The following DST variants were observed in gnomAD, a reference collection of about 807,000 sequenced individuals.
The protein encoded by DST is bullous pemphigoid antigen.
Under a neutral mutation model 875.2 loss-of-function variants are expected in DST, and 253 were observed. The ratio of observed to expected loss-of-function variants is 0.29; its 90% CI spans 0.26 to 0.32. The LOEUF is 0.32. Among genes scored for constraint, DST ranks in the 10% least tolerant of loss-of-function variants. DST has a pLI of 1.00. For missense variants in DST, 8,287 were observed against 9,111.6 expected, an observed-to-expected ratio of 0.91 and a Z score of 3.68; for synonymous variants, 3,124 against 3,197.1, an observed-to-expected ratio of 0.98 and a Z score of 0.77.
intron 4 of DST, among the ~76,000 whole-genome samples, chr6:56,846,190 T>C (rs1352467208): frequency 6.6e-6 from 1 of 152,220 alleles, no homozygotes; most frequent in Non-Finnish European, 1.5e-5. Flanking sequence ...AGCTATCATT[T>C]ATAAAGCATT....
At chr6:56,516,685 T>G (rs2096601728) in intron 71 of DST, among the ~76,000 whole-genome samples, 1 of 152,180 alleles carries the variant, frequency 6.6e-6, no homozygotes, top group African/African-American at 2.4e-5. Context: ...TGGCTGGTTT[T>G]CTGCCAAATT....
chr6:56,701,915 A>T lies in DST; in HGVS notation c.927T>A (p.Ile309=). The stretch of plus-strand genomic sequence containing the variant: ...GGCGTCTTTTCAAATAGTCAAGTGC[A>T]ATTTGTACATTCTGTAGTCTGTGAA... ...MRFHRLQNVQ[I]ALDYLKRRQV... The change falls in exon 8 of 104, where the codon ATT becomes ATA. Residue 309 remains isoleucine, a synonymous_variant. Coordinates refer to ENST00000680361, the MANE Select transcript of DST (RefSeq NM_001374736.1). 3.1e-6 allele frequency: 5 copies of T among 1,611,440 alleles called. No homozygotes were observed. The South Asian group carries it at 3.3e-5, about 11-fold the overall frequency.
intron 2 of DST, among the ~76,000 whole-genome samples, chr6:56,942,710 T>C (rs1389770775): frequency 2.3e-5 from 3 of 128,734 alleles, no homozygotes; most frequent in African/African-American, 8.6e-5. Flanking sequence ...ATTTCTCTTT[T>C]TTTTTTTTTT....
chr6:56,910,088 G>T (rs1266791756), intron 2 of DST, among the ~76,000 whole-genome samples: 1 of 152,180 alleles, frequency 6.6e-6, no homozygotes, highest in Non-Finnish European at 1.5e-5. Context: ...TCATTGTTTG[G>T]TATAGAACAT....
Position 56,536,959 on chromosome 6 carries a change from T to G in DST, c.16609-19A>C. ...GGAATACCTGCAGTTAAAAGAGTAATAATTATATGAGTTATATTACCTATC... is the reference window on the plus strand; with the variant it reads ...GGAATACCTGCAGTTAAAAGAGTAAGAATTATATGAGTTATATTACCTATC... On this transcript the variant is annotated intron_variant, in intron 61 of 103. Coordinates refer to ENST00000680361, the MANE Select transcript of DST (RefSeq NM_001374736.1). 6.2e-7 allele frequency: 1 copy of G among 1,610,546 alleles called. No individual in the cohort carries two copies. The highest frequency in any genetic ancestry group is 8.5e-7 in the Non-Finnish European group (1 of 1,177,334).
intron 90 of DST, among the ~76,000 whole-genome samples, chr6:56,481,292 AT>A (rs2095392485): frequency 6.6e-6 from 1 of 152,256 alleles, no homozygotes; most frequent in Admixed American, 6.5e-5. Flanking sequence ...AAATGCTGAC[AT>A]CAACACTACA....
intron 9 of DST, among the ~76,000 whole-genome samples, chr6:56,681,854 G>GTC (rs1327835011): frequency 5.9e-5 from 9 of 152,258 alleles, no homozygotes; most frequent in Admixed American, 3.3e-4. Flanking sequence ...ATATTTCAAG[G>GTC]TCCCACTGGG....
chr6:56,747,818 A>G (rs1373038293), intron 4 of DST, among the ~76,000 whole-genome samples: 2 of 152,214 alleles, frequency 1.3e-5, no homozygotes, highest in Non-Finnish European at 2.9e-5. Flanking sequence ...TATATTATGA[A>G]GACCTTAAGT....
At chr6:56,852,427 G>A (rs1311790309) in intron 3 of DST, among the ~76,000 whole-genome samples, 1 of 152,236 alleles carries the variant, frequency 6.6e-6, no homozygotes, top group Non-Finnish European at 1.5e-5. Context: ...TCATTACACA[G>A]TGAAATGAGA....
chr6:56,928,173 T>C (rs1289652370), intron 2 of DST, among the ~76,000 whole-genome samples: 1 of 151,354 alleles, frequency 6.6e-6, no homozygotes, highest in East Asian at 1.9e-4. Context: ...GAAAAATAAA[T>C]ACATAAAGCT....
intron 44 of DST, 38 bp downstream of exon 44, chr6:56,601,405 A>G: frequency 2.1e-6 from 3 of 1,406,894 alleles, no homozygotes; most frequent in Non-Finnish European, 2.9e-6. Flanking sequence ...GTTTCACACT[A>G]AAAACAATGA....
intron 3 of DST, among the ~76,000 whole-genome samples, chr6:56,900,211 TCTTG>T: frequency 6.8e-6 from 1 of 147,826 alleles, no homozygotes; most frequent in South Asian, 2.1e-4. Flanking sequence ...AGTGACTAAC[TCTTG>T]CTTTTTTGTC....
chr6:56,915,910 T>A (rs1186194741), intron 2 of DST, among the ~76,000 whole-genome samples: 5 of 152,234 alleles, frequency 3.3e-5, no homozygotes, highest in Non-Finnish European at 7.3e-5. Context: ...TCCAGTAATA[T>A]CTTTGTCTTC....
At chr6:56,867,845 A>T (rs972110821) in intron 3 of DST, among the ~76,000 whole-genome samples, 12 of 152,202 alleles carry the variant, frequency 7.9e-5, no homozygotes, top group African/African-American at 2.6e-4. Flanking sequence ...AAAAAAAAAA[A>T]TAGTAGGGCT....
chr6:56,686,091 C>A (rs1448247859), intron 9 of DST, among the ~76,000 whole-genome samples: 1 of 152,168 alleles, frequency 6.6e-6, no homozygotes, highest in East Asian at 1.9e-4. Context: ...CTACATACAG[C>A]CATACCTTAG....
At chr6:56,836,815 C>A (rs2099794145) in intron 4 of DST, among the ~76,000 whole-genome samples, 1 of 144,752 alleles carries the variant, frequency 6.9e-6, no homozygotes, top group Non-Finnish European at 1.5e-5. Context: ...TGCGCCACTG[C>A]ACTCCCGCCT....
At chr6:56,929,441 G>A (rs1442095191) in intron 2 of DST, among the ~76,000 whole-genome samples, 2 of 151,994 alleles carry the variant, frequency 1.3e-5, no homozygotes, top group Non-Finnish European at 2.9e-5. Context: ...AAAACAAGAT[G>A]CAAAACAGTG....
intron 49 of DST, among the ~76,000 whole-genome samples, chr6:56,586,357 T>G (rs2098148851): frequency 6.6e-6 from 1 of 151,756 alleles, no homozygotes. Context: ...GTAATGGCCT[T>G]CTTTGTCTCT....
At chr6:56,529,949 C>T (rs747600063) in intron 65 of DST, 25 bp downstream of exon 65, 33 of 1,610,728 alleles carry the variant, frequency 2.0e-5, no homozygotes, top group East Asian at 4.5e-5. Flanking sequence ...AACTGAACCT[C>T]GCTAATGTGT....
Sources: gnomAD v4.1 joint callset for allele counts (sites outside exome capture counted in the v4.1 genomes callset) on GRCh38, gnomAD v4.1.1 for gene constraint, MANE v1.5 for transcripts, NCBI Gene and HGNC (gene_info 2026-07-23, HGNC 2026-07-21) for gene names.